Variants in TEX11 observed in about 807,000 individuals in gnomAD.
TEX11 encodes testis expressed 11, also known as testis-expressed protein 11.
In TEX11, 7 loss-of-function variants were observed where a neutral mutation model predicts 84.4. That is an observed-to-expected ratio of 0.08 (90% confidence interval 0.05 to 0.16). The LOEUF (loss-of-function observed/expected upper bound fraction) is 0.16. TEX11 is among the 10% of genes least tolerant of loss of function. The pLI is 1.00. For missense variants in TEX11, 551 were observed against 660.5 expected (o/e 0.83, Z 1.82); for synonymous variants, 264 against 222.8 (o/e 1.18, Z -1.64).
At chrX:70,570,564 C>G (rs969483530) in intron 25 of TEX11, among the ~76,000 whole-genome samples, 1 of 111,382 alleles carries the variant, frequency 9.0e-6, no homozygotes, top group Non-Finnish European at 1.9e-5. Context: ...AACCCAAAAT[C>G]TATTATTTCT....
At chrX:70,761,526 C>T (rs766766759) in intron 9 of TEX11, among the ~76,000 whole-genome samples, 10 of 111,589 alleles carry the variant, frequency 9.0e-5, no homozygotes, top group East Asian at 2.8e-4. Context: ...AACCAAACAC[C>T]GCATGTTCTC....
chrX:70,822,238 G>A (rs1377385745), intron 8 of TEX11, among the ~76,000 whole-genome samples: 2 of 111,051 alleles, frequency 1.8e-5, no homozygotes, highest in Admixed American at 1.9e-4. Context: ...TTTTTCCCAA[G>A]TATTTTCAAT....
At chrX:70,697,611 A>G (rs940904707) in intron 13 of TEX11, among the ~76,000 whole-genome samples, 2 of 112,201 alleles carry the variant, frequency 1.8e-5, no homozygotes, top group Non-Finnish European at 3.8e-5. Flanking sequence ...GTCCAGGAAT[A>G]CTAACCTTAT....
chrX:70,808,395 T>C (rs1180916653), intron 8 of TEX11, among the ~76,000 whole-genome samples: 1 of 107,371 alleles, frequency 9.3e-6, no homozygotes, highest in African/African-American at 3.4e-5. Flanking sequence ...CCCAGCTACT[T>C]GGGTGGCTGA....
chrX:70,578,404 T>A (rs1280118638), intron 25 of TEX11, among the ~76,000 whole-genome samples: 1 of 111,953 alleles, frequency 8.9e-6, no homozygotes. Context: ...GAATTTGTCT[T>A]TTTTGTTGTT....
intron 8 of TEX11, among the ~76,000 whole-genome samples, chrX:70,811,633 G>C (rs1377722537): frequency 1.8e-5 from 2 of 111,062 alleles, no homozygotes; most frequent in African/African-American, 3.3e-5. Flanking sequence ...CTAGTTTACA[G>C]TCCCACCAAC....
intron 9 of TEX11, among the ~76,000 whole-genome samples, chrX:70,780,117 T>C (rs2091028418): frequency 9.1e-6 from 1 of 109,397 alleles, no homozygotes; most frequent in Non-Finnish European, 1.9e-5. Flanking sequence ...CTACTAAAAA[T>C]ACAAAAACTA....
intron 5 of TEX11, 23 bp from the exon 6 acceptor site, chrX:70,853,351 T>C (rs2091519225): frequency 1.8e-6 from 2 of 1,120,140 alleles, no homozygotes; most frequent in African/African-American, 1.8e-5. Flanking sequence ...AATTAGAAAA[T>C]AATTTTTAAA....
At chrX:70,722,593 A>T in intron 13 of TEX11, 25 bp downstream of exon 13, 3 of 1,177,859 alleles carry the variant, frequency 2.5e-6, no homozygotes, top group Non-Finnish European at 3.5e-6. Context: ...GTCAGTCTTT[A>T]GAGAAAGGGA....
At chrX:70,514,409 A>G in the TEX11 span, among the ~76,000 whole-genome samples, 1 of 109,993 alleles carries the variant, frequency 9.1e-6, no homozygotes, top group East Asian at 2.9e-4. Flanking sequence ...ATCTTGGCCA[A>G]CATGGTGAAA....
intron 20 of TEX11, 35 bp downstream of exon 20, chrX:70,623,915 A>C (rs2089422576): frequency 8.9e-7 from 1 of 1,118,358 alleles, no homozygotes; most frequent in Non-Finnish European, 1.2e-6. Context: ...AATTTGTCTA[A>C]TGGGGAATAC....
At chrX:70,740,625 C>G (rs2090727061) in intron 11 of TEX11, 76 bp downstream of exon 11, 1 of 695,979 alleles carries the variant, frequency 1.4e-6, no homozygotes, top group African/African-American at 2.2e-5. Context: ...AAGCAAATGT[C>G]TAAACTGGAT....
At chrX:70,554,302 T>C (rs2088257539) in intron 26 of TEX11, among the ~76,000 whole-genome samples, 1 of 112,061 alleles carries the variant, frequency 8.9e-6, no homozygotes. Context: ...CAGAAAAACT[T>C]TCTAAAGTTT....
rs547174937 is a variant in TEX11, at chrX:70,608,366, C to A, written c.1879+725G>T. 6.9e-4 allele frequency among the ~76,000 whole-genome samples: 77 copies of A among 112,216 alleles called. 1 individual carries two copies. In the Middle Eastern group the frequency reaches 0.018, roughly 27 times the overall value. ...ATATGTATTCTTCAATATCTAGCTT[C>A]TTTTGCTCAACATTATGTTTGTGAG... On this transcript the variant is annotated intron_variant, in intron 22 of 29. Transcript: ENST00000374333.
intron 7 of TEX11, among the ~76,000 whole-genome samples, chrX:70,847,643 G>T (rs2091486677): frequency 8.9e-6 from 1 of 111,773 alleles, no homozygotes; most frequent in Admixed American, 9.5e-5. Context: ...GCCTCAATCT[G>T]TGATCCTCCT....
chrX:70,839,206 C>T (rs780378185), intron 7 of TEX11, among the ~76,000 whole-genome samples: 4 of 100,002 alleles, frequency 4.0e-5, no homozygotes, highest in African/African-American at 1.5e-4. Flanking sequence ...AAGTGGGTCC[C>T]TGACCCCCAA....
chrX:70,833,635 A>C (rs1339476843), intron 7 of TEX11, 42 bp from the exon 8 acceptor site: 7 of 1,030,705 alleles, frequency 6.8e-6, no homozygotes, highest in Non-Finnish European at 9.4e-6. Context: ...TAAAATGACA[A>C]GGTTATTTGT....
At chrX:70,721,666 C>T (rs374680727) in intron 13 of TEX11, among the ~76,000 whole-genome samples, 199 of 111,782 alleles carry the variant, frequency 1.8e-3, no homozygotes, top group African/African-American at 4.6e-3. Flanking sequence ...AGCTGCTCTG[C>T]TTGTTTTTAT....
rs2091516581 is a variant in TEX11 at position 70,852,931 on chromosome X, G to T, written c.525+103C>A. ...AGGTCAAATTAATATCCTATAAAAGGCCAGTGACATCTGACTTTCTTCCAA... is the reference window on the plus strand; with the variant it reads ...AGGTCAAATTAATATCCTATAAAAGTCCAGTGACATCTGACTTTCTTCCAA... On this transcript the variant is annotated intron_variant, in intron 7 of 29. Transcript: ENST00000374333. 3 of 774,111 alleles carry T rather than the reference G, an allele frequency of 3.9e-6. No individual in the cohort carries two copies. The South Asian group carries it at 8.0e-5, about 21-fold the overall frequency. The allele number at this position is 774,111 out of a possible 1,213,427, so 63.8% of individuals were successfully genotyped here. A position where few individuals can be genotyped will look rare whatever the true frequency, so the allele number is the denominator to read the frequency against.
Sources: gnomAD v4.1 joint callset for allele counts (sites outside exome capture counted in the v4.1 genomes callset) on GRCh38, gnomAD v4.1.1 for gene constraint, MANE v1.5 for transcripts, NCBI Gene and HGNC (gene_info 2026-07-23, HGNC 2026-07-21) for gene names.